The following PDE2A variants were observed in gnomAD, a reference collection of about 807,000 sequenced individuals.
PDE2A encodes the protein cGMP-dependent 3',5'-cyclic phosphodiesterase.
Under a neutral mutation model 133.6 loss-of-function variants are expected in PDE2A, and 53 were observed. The ratio of observed to expected loss-of-function variants is 0.40; its 90% CI spans 0.32 to 0.50. PDE2A has a LOEUF of 0.50. PDE2A is among the 20% of genes least tolerant of loss of function. The pLI is 0.73. For missense variants in PDE2A, 796 were observed against 1,232.4 expected, an observed-to-expected ratio of 0.65 and a Z score of 5.30; for synonymous variants, 491 against 490.2, an observed-to-expected ratio of 1.00 and a Z score of -0.02.
intron 1 of PDE2A, among the ~76,000 whole-genome samples, chr11:72,650,918 CACACACACAT>C (rs1295930145): frequency 3.7e-5 from 5 of 133,646 alleles, no homozygotes; most frequent in Admixed American, 7.3e-5. Flanking sequence ...CACACACACA[CACACACACAT>C]ACACAAAGGC....
At position 72,590,498 on chromosome 11, in the gene PDE2A, T is replaced by C. The variant is rs1463996978; in HGVS notation, c.632A>G (p.Glu211Gly). The C allele has an allele frequency of 6.6e-7, 1 of 1,512,766 alleles. No homozygotes were observed. Among genetic ancestry groups the C allele is most frequent in the Non-Finnish European group, 8.8e-7 (1 of 1,135,122 alleles). The allele number at this position is 1,512,766 out of a possible 1,614,324, so 93.7% of individuals were successfully genotyped here. A position where few individuals can be genotyped will look rare whatever the true frequency, so the allele number is the denominator to read the frequency against. Reference sequence around the variant, plus strand: ...GCCCTTCTGGTCTTCCGCCGTCCCCTCCGGGGGGTTCTGGACGGCTCGGGG... The same window carrying C: ...GCCCTTCTGGTCTTCCGCCGTCCCCCCCGGGGGGTTCTGGACGGCTCGGGG... ...EAPRAVQNPP[E>G]GTAEDQKGGA... The change falls in exon 8 of 31, where the codon GAG becomes GGG. Residue 211 changes from glutamate (E) to glycine (G), a missense_variant. Coordinates refer to ENST00000334456, the MANE Select transcript of PDE2A (RefSeq NM_002599.5). The surrounding 1 kb of genome is among the most constrained non-coding windows in gnomAD (Gnocchi z 4.8).
chr11:72,610,224 C>T (rs1040647135), intron 2 of PDE2A, among the ~76,000 whole-genome samples: 1 of 152,130 alleles, frequency 6.6e-6, no homozygotes, highest in African/African-American at 2.4e-5. Context: ...TCTGTGGCCC[C>T]ATGGACAGCC....
intron 2 of PDE2A, among the ~76,000 whole-genome samples, chr11:72,612,929 G>A (rs1857284092): frequency 6.6e-6 from 1 of 152,220 alleles, no homozygotes; most frequent in South Asian, 2.1e-4. Context: ...TCAGCCGTGG[G>A]CTAGATCTGC....
intron 4 of PDE2A, chr11:72,599,000 T>G: frequency 1.0e-6 from 1 of 985,368 alleles, no homozygotes; most frequent in Non-Finnish European, 1.2e-6. Flanking sequence ...TTCCTGATGA[T>G]TAAACTGATG....
At chr11:72,614,770 T>G (rs1857378392) in intron 2 of PDE2A, among the ~76,000 whole-genome samples, 1 of 151,996 alleles carries the variant, frequency 6.6e-6, no homozygotes, top group African/African-American at 2.4e-5. Context: ...GGGAGGGGCC[T>G]TGCTCAGGTG....
chr11:72,635,675 A>AC (rs1165902630), intron 2 of PDE2A, among the ~76,000 whole-genome samples: 1 of 152,094 alleles, frequency 6.6e-6, no homozygotes, highest in Non-Finnish European at 1.5e-5. Context: ...GGAGATATTG[A>AC]CCCCCAACTT....
At chr11:72,585,943 T>C in intron 14 of PDE2A, 127 bp downstream of exon 14, 2 of 684,398 alleles carry the variant, frequency 2.9e-6, no homozygotes, top group Non-Finnish European at 2.7e-6. Context: ...GTTATGAGGT[T>C]ATGGAGCCAC....
At position 72,634,586 on chromosome 11, in the gene PDE2A, C is replaced by T. The variant is rs138562849; in HGVS notation, c.144+7668G>A. Reference sequence around the variant, plus strand: ...CTTCTAAGGATCCATCAGGGATGGGCACTCTGGAAGGAAACCCTCCCCTGC... The same window carrying T: ...CTTCTAAGGATCCATCAGGGATGGGTACTCTGGAAGGAAACCCTCCCCTGC... On this transcript the variant is annotated intron_variant, in intron 2 of 30. Transcript: ENST00000334456. 3.5e-4 allele frequency among the ~76,000 whole-genome samples: 53 copies of T among 152,316 alleles called. No individual in the cohort carries two copies. In the East Asian group the frequency reaches 9.8e-3, roughly 28 times the overall value.
intron 2 of PDE2A, among the ~76,000 whole-genome samples, chr11:72,612,447 T>A (rs1238156459): frequency 6.6e-6 from 1 of 151,974 alleles, no homozygotes; most frequent in African/African-American, 2.4e-5. Flanking sequence ...GGAGAACTTG[T>A]GGTGTGTAGA....
intron 3 of PDE2A, among the ~76,000 whole-genome samples, chr11:72,606,583 C>T (rs981669551): frequency 6.6e-6 from 1 of 152,146 alleles, no homozygotes; most frequent in African/African-American, 2.4e-5. Context: ...GGGCAGACAC[C>T]CTCTTGTTTG....
At chr11:72,671,761 G>T (rs1207967404) in intron 1 of PDE2A, among the ~76,000 whole-genome samples, 1 of 152,154 alleles carries the variant, frequency 6.6e-6, no homozygotes, top group Non-Finnish European at 1.5e-5. Flanking sequence ...CCCCAGCCTT[G>T]CAGCCAAAGG....
intron 1 of PDE2A, among the ~76,000 whole-genome samples, chr11:72,667,624 GC>G (rs940273711): frequency 4.6e-5 from 7 of 152,178 alleles, no homozygotes; most frequent in African/African-American, 1.7e-4. Context: ...GTATGTGACA[GC>G]ACCCCCTTCT....
rs1226433151 is a variant in PDE2A, at chr11:72,584,642, A to G, written c.1446T>C (p.Tyr482=). 2.5e-6 allele frequency: 4 copies of G among 1,613,470 alleles called. No individual in the cohort carries two copies. The highest frequency in any genetic ancestry group is 3.3e-5 in the Admixed American group (2 of 60,028). ...TGQILNIPDA[Y]AHPLFYRGVD... ...CGCCGCGGTAGAAAAGCGGATGGGC[A>G]TATGCGTCAGGGATGTTCAGGATCT... Residue 482 remains tyrosine, a synonymous_variant, in exon 18 of 31, where the codon TAT becomes TAC. Transcript: ENST00000334456.
In PDE2A at chr11:72,586,140, T is replaced by C. The variant is rs930821579; in HGVS notation, c.1112A>G (p.His371Arg). Reference sequence around the variant, plus strand: ...GCTGGTGAGCACGGTGCTGGTGTAGTGGAAGCAGTGCTGGATCACATGCTC... The same window carrying C: ...GCTGGTGAGCACGGTGCTGGTGTAGCGGAAGCAGTGCTGGATCACATGCTC... ...EDEHVIQHCF[H>R]YTSTVLTSTL... The change falls in exon 14 of 31, where the codon CAC (histidine) becomes CGC (arginine). Residue 371 changes from histidine (H) to arginine (R), a missense_variant. Transcript: ENST00000334456. The C allele has an allele frequency of 1.2e-6, 2 of 1,613,120 alleles. No homozygotes were observed. Among genetic ancestry groups the C allele is most frequent in the Non-Finnish European group, 1.7e-6 (2 of 1,179,542 alleles).
chr11:72,653,180 G>A (rs946441997), intron 1 of PDE2A, among the ~76,000 whole-genome samples: 3 of 152,220 alleles, frequency 2.0e-5, no homozygotes, highest in African/African-American at 7.2e-5. Flanking sequence ...GACTCCATCT[G>A]TTCTCTGGGC....
Position 72,642,261 on chromosome 11 carries a change from C to G in PDE2A, c.137G>C (p.Ser46Thr). The change falls in exon 2 of 31, where the codon AGC (serine) becomes ACC (threonine). Residue 46 changes from serine to threonine, a missense_variant. By Grantham distance (58) the Ser-to-Thr change is moderately conservative. This residue lies in a region of PDE2A where 417 missense variants were observed against 475.3 expected (regional missense o/e 0.88). Transcript: ENST00000334456. ...GCGCGGGGGCCCCCCTACCTGCAGG[C>G]TGTCGGCGCATGGCTGCGGCGGCGG... ...PPPPPQPCAD[S>T]LQDALLSLGS... The G allele has an allele frequency of 6.5e-7, 1 of 1,537,720 alleles. No homozygotes were observed. The highest frequency in any genetic ancestry group is 2.5e-5 in the East Asian group (1 of 39,274).
intron 1 of PDE2A, among the ~76,000 whole-genome samples, chr11:72,651,270 C>A (rs1219142532): frequency 2.0e-5 from 3 of 152,176 alleles, no homozygotes; most frequent in Non-Finnish European, 4.4e-5. Context: ...AAGACTCCAG[C>A]ACCTGGTTTC....
rs1412347072 is a variant in PDE2A, at chr11:72,577,443, G to C, written c.2767C>G (p.Pro923Ala). ...GGGGCCCTAGTGCCATCCAGATCAG[G>C]CACCTCGTACTCCTCATCCAGGAAG... ...LDFLDEEYEV[P>A]DLDGTRAPIN... The change falls in exon 31 of 31, where the codon CCT becomes GCT. Residue 923 changes from proline to alanine, a missense_variant. Physicochemically the swap from Pro to Ala is conservative, Grantham distance 27. Transcript: ENST00000334456. The C allele has an allele frequency of 1.2e-6, 2 of 1,614,020 alleles. No homozygotes were observed. The highest frequency in any genetic ancestry group is 1.7e-6 in the Non-Finnish European group (2 of 1,179,994).
At chr11:72,636,402 A>G (rs1310471326) in intron 2 of PDE2A, among the ~76,000 whole-genome samples, 1 of 152,222 alleles carries the variant, frequency 6.6e-6, no homozygotes, top group Non-Finnish European at 1.5e-5. Flanking sequence ...GATTGTTTTG[A>G]TTATTGAATT....
Sources: gnomAD v4.1 joint callset for allele counts (sites outside exome capture counted in the v4.1 genomes callset) on GRCh38, gnomAD v4.1.1 for gene constraint, gnomAD v4.1.1 regional missense constraint, Gnocchi (gnomAD v3.1) non-coding constraint, MANE v1.5 for transcripts, NCBI Gene and HGNC (gene_info 2026-07-23, HGNC 2026-07-21) for gene names.